Variants in ARID3B observed in about 807,000 individuals in gnomAD.
ARID3B encodes the protein AT-rich interaction domain 3B, also known as AT-rich interactive domain-containing protein 3B.
Under a neutral mutation model 51.9 loss-of-function variants are expected in ARID3B, and 10 were observed. The ratio of observed to expected loss-of-function variants is 0.19; its 90% CI spans 0.12 to 0.33. The LOEUF (loss-of-function observed/expected upper bound fraction) is 0.33, where lower values mean the gene tolerates loss of function less well. Ranked by LOEUF, ARID3B falls within the 10% of genes least tolerant of loss-of-function variation. ARID3B has a pLI of 1.00. For missense variants in ARID3B, 483 were observed against 716.3 expected, an observed-to-expected ratio of 0.67 and a Z score of 3.72; for synonymous variants, 205 against 279.5, an observed-to-expected ratio of 0.73 and a Z score of 2.66.
At chr15:74,565,847 C>T (rs2061696215) in intron 2 of ARID3B, among the ~76,000 whole-genome samples, 2 of 152,004 alleles carry the variant, frequency 1.3e-5, no homozygotes, top group Non-Finnish European at 2.9e-5. Context: ...GGCAGTAAGC[C>T]ATTGGCTTCT....
At chr15:74,550,924 T>C (rs930699512) in intron 2 of ARID3B, among the ~76,000 whole-genome samples, 8 of 152,158 alleles carry the variant, frequency 5.3e-5, no homozygotes, top group African/African-American at 1.9e-4. Context: ...TAGGGCGAAT[T>C]GTCATCAACA....
intron 2 of ARID3B, among the ~76,000 whole-genome samples, chr15:74,552,552 C>T (rs1438875389): frequency 6.6e-5 from 10 of 151,432 alleles, no homozygotes; most frequent in Admixed American, 6.6e-4. Context: ...TAGTATCACA[C>T]AGAGTAGTTT....
chr15:74,573,055 C>A, intron 3 of ARID3B, 77 bp from the exon 4 acceptor site: 2 of 1,588,296 alleles, frequency 1.3e-6, no homozygotes, highest in South Asian at 1.1e-5. Context: ...TTCAGATGGT[C>A]ATAGTATATC....
intron 2 of ARID3B, among the ~76,000 whole-genome samples, chr15:74,555,370 C>T (rs2061653829): frequency 6.6e-6 from 1 of 151,980 alleles, no homozygotes; most frequent in Non-Finnish European, 1.5e-5. Flanking sequence ...CACTCTTTCA[C>T]CCAGGGTGGA....
At chr15:74,579,967 G>A (rs554573370) in intron 4 of ARID3B, among the ~76,000 whole-genome samples, 1 of 152,076 alleles carries the variant, frequency 6.6e-6, no homozygotes, top group East Asian at 1.9e-4. Flanking sequence ...AAGGCAGGTG[G>A]ATCACTTGAG....
intron 4 of ARID3B, among the ~76,000 whole-genome samples, chr15:74,585,937 C>G (rs1042091257): frequency 1.3e-5 from 2 of 152,250 alleles, no homozygotes; most frequent in Admixed American, 6.5e-5. Context: ...AGAGAGCCCT[C>G]GGCATAGCCT....
At position 74,543,144 on chromosome 15, in the gene ARID3B, C is replaced by A. The variant is rs192923897; in HGVS notation, c.-77-716C>A. On this transcript the variant is annotated intron_variant, in intron 1 of 8. Coordinates refer to ENST00000346246, the MANE Select transcript of ARID3B (RefSeq NM_006465.4). ...AATTCCCCCGTTTGCTTTTGAGTGA[C>A]GATTGCAATTTGAGACTCTTGCCTC... 5.3e-5 allele frequency among the ~76,000 whole-genome samples: 8 copies of A among 152,266 alleles called. No homozygotes were observed. The East Asian group carries it at 1.5e-3, about 29-fold the overall frequency.
At chr15:74,589,789 G>C (rs751271584) in intron 4 of ARID3B, 31 bp from the exon 5 acceptor site, 5 of 1,579,120 alleles carry the variant, frequency 3.2e-6, no homozygotes, top group Non-Finnish European at 4.3e-6. Context: ...TGATGATCCC[G>C]CTGTCTCTTT....
At chr15:74,592,319 T>C (rs930072459) in intron 7 of ARID3B, among the ~76,000 whole-genome samples, 2 of 152,180 alleles carry the variant, frequency 1.3e-5, no homozygotes, top group Non-Finnish European at 2.9e-5. Context: ...CTCTTCACAT[T>C]GTTCTGGTGC....
At chr15:74,546,953 C>CT (rs961016024) in intron 2 of ARID3B, among the ~76,000 whole-genome samples, 21 of 150,940 alleles carry the variant, frequency 1.4e-4, no homozygotes, top group Non-Finnish European at 1.9e-4. Flanking sequence ...GATTTTAAAA[C>CT]TTTTTTTTTA....
chr15:74,568,344 T>C (rs10851873), intron 2 of ARID3B, among the ~76,000 whole-genome samples: 138,048 of 152,204 alleles, frequency 0.91, 63,081 homozygotes, highest in African/African-American at 0.98. Flanking sequence ...GATCTCCTTA[T>C]CCAGAACACT....
chr15:74,557,817 CTTTTTT>C (rs11307414), intron 2 of ARID3B, among the ~76,000 whole-genome samples: 2 of 109,780 alleles, frequency 1.8e-5, no homozygotes, highest in Admixed American at 1.1e-4. Flanking sequence ...TTTCGACTTA[CTTTTTT>C]TTTTTTTTTT....
Position 74,552,607 on chromosome 15 carries a change from TC to T in ARID3B, c.552+8124del, listed in dbSNP as rs1455060267. ...TGTGCTTCACCTATTCATCTTTCCC[TC>T]CCCCTTAACCCCTGGCAGCCCCTGA... is the stretch of plus-strand genomic sequence containing the variant. On this transcript the variant is annotated intron_variant, in intron 2 of 8. Transcript: ENST00000346246. Among the ~76,000 whole-genome samples, 14 of 151,968 alleles carry T rather than the reference TC, an allele frequency of 9.2e-5. No individual in the cohort carries two copies. In the South Asian group the frequency reaches 2.3e-3, roughly 25 times the overall value.
intron 2 of ARID3B, among the ~76,000 whole-genome samples, chr15:74,569,234 C>T (rs1466683915): frequency 6.6e-6 from 1 of 152,144 alleles, no homozygotes; most frequent in Non-Finnish European, 1.5e-5. Context: ...AAGCCTGTAA[C>T]CCACCCAATG....
intron 4 of ARID3B, among the ~76,000 whole-genome samples, chr15:74,586,106 A>G (rs1025984863): frequency 1.3e-5 from 2 of 152,192 alleles, no homozygotes; most frequent in African/African-American, 4.8e-5. Flanking sequence ...GTGTGAGGAG[A>G]GTTCACTGTG....
intron 1 of ARID3B, among the ~76,000 whole-genome samples, chr15:74,543,566 TCAGAACA>T (rs1400932001): frequency 6.6e-6 from 1 of 152,180 alleles, no homozygotes; most frequent in Non-Finnish European, 1.5e-5. Flanking sequence ...GGAAGAGAGA[TCAGAACA>T]CGTTAGCAGA....
intron 8 of ARID3B, 94 bp downstream of exon 8, chr15:74,593,330 C>T (rs878949019): frequency 8.7e-7 from 1 of 1,143,276 alleles, no homozygotes; most frequent in East Asian, 2.6e-5. Context: ...TCTGTCTGAA[C>T]ACCTCCCACA....
chr15:74,560,455 A>G (rs977114252), intron 2 of ARID3B, among the ~76,000 whole-genome samples: 35 of 152,212 alleles, frequency 2.3e-4, no homozygotes, highest in African/African-American at 7.9e-4. Context: ...TCTGTTCTAC[A>G]TATTGTTCTA....
chr15:74,597,318 G>T lies in ARID3B; in HGVS notation c.*1544G>T, dbSNP rs1238191805. On this transcript the variant is annotated 3_prime_UTR_variant, in exon 9 of 9. Transcript: ENST00000346246. Reference sequence around the variant, plus strand: ...CAGAACACCACCACTGTGACATGGGGCTGTGGCAGTGGGAGACACCGCGCG... The same window carrying T: ...CAGAACACCACCACTGTGACATGGGTCTGTGGCAGTGGGAGACACCGCGCG... 4.8e-6 allele frequency: 2 copies of T among 415,198 alleles called. No homozygotes were observed. Among genetic ancestry groups the T allele is most frequent in the African/African-American group, 4.0e-5 (2 of 49,970 alleles). 25.7% of individuals were successfully genotyped at this position (415,198 alleles called of 1,614,324 possible).
Sources: allele counts gnomAD v4.1 joint callset (sites outside exome capture counted in the v4.1 genomes callset), GRCh38; gene constraint gnomAD v4.1.1; transcripts MANE v1.5; gene names NCBI Gene and HGNC (gene_info 2026-07-23, HGNC 2026-07-21).